The following DGKI variants were observed in gnomAD, a reference collection of about 807,000 sequenced individuals.
The protein encoded by DGKI is diacylglycerol kinase iota.
Under a neutral mutation model 147.5 loss-of-function variants are expected in DGKI, and 55 were observed. The observed-to-expected ratio is 0.37, with a 90% CI of 0.30 to 0.47. The LOEUF is 0.47. Ranked by LOEUF, DGKI falls within the 20% of genes least tolerant of loss-of-function variation. The pLI is 1.00. For synonymous variants in DGKI, 469 were observed against 477.1 expected, an observed-to-expected ratio of 0.98 and a Z score of 0.22; for missense variants, 1,007 against 1,323.8, an observed-to-expected ratio of 0.76 and a Z score of 3.71.
chr7:137,713,946 C>T (rs919585959), intron 1 of DGKI, among the ~76,000 whole-genome samples: 13 of 152,128 alleles, frequency 8.5e-5, no homozygotes, highest in African/African-American at 2.9e-4. Context: ...GGCCACTTGC[C>T]CAATTTTGAA....
chr7:137,607,818 C>T (rs1162188619), intron 10 of DGKI, among the ~76,000 whole-genome samples: 1 of 152,178 alleles, frequency 6.6e-6, no homozygotes, highest in Non-Finnish European at 1.5e-5. Flanking sequence ...GCCATCATTA[C>T]TCCATAAAGA....
chr7:137,693,993 CAT>C (rs1345029075), intron 1 of DGKI, among the ~76,000 whole-genome samples: 2 of 152,186 alleles, frequency 1.3e-5, no homozygotes, highest in African/African-American at 2.4e-5. Context: ...TTTAATGAAA[CAT>C]GTGGCATATA....
chr7:137,409,077 A>T (rs1048801945), intron 29 of DGKI, among the ~76,000 whole-genome samples: 1 of 152,162 alleles, frequency 6.6e-6, no homozygotes, highest in African/African-American at 2.4e-5. Context: ...TAATATATTA[A>T]ATAGTTTTAA....
At chr7:137,620,284 G>A (rs1820701622) in intron 7 of DGKI, among the ~76,000 whole-genome samples, 3 of 152,162 alleles carry the variant, frequency 2.0e-5, no homozygotes, top group Admixed American at 6.5e-5. Context: ...TTACTTAAAA[G>A]TTTTAGAGTC....
chr7:137,521,946 C>T lies in DGKI; in HGVS notation c.2168G>A (p.Arg723His), dbSNP rs1375671087. 9.3e-6 allele frequency: 15 copies of T among 1,611,214 alleles called. No individual in the cohort carries two copies. Among genetic ancestry groups the T allele is most frequent in the African/African-American group, 1.3e-5 (1 of 74,738 alleles). The change falls in exon 21 of 33, where the codon CGT becomes CAT. Residue 723 changes from arginine to histidine, a missense_variant. By Grantham distance (29) the Arg-to-His change is conservative (BLOSUM62 0). This residue lies in a region of DGKI where 385 missense variants were observed against 445.2 expected (regional missense o/e 0.86). Coordinates refer to ENST00000614521, the MANE Select transcript of DGKI (RefSeq NM_001321708.2). ...LLNDPQSVPD[R>H]LRIRVNKISL... The stretch of plus-strand genomic sequence containing the variant: ...GATTTTGTTCACCCGGATCCTCAGA[C>T]GATCTGGGACAGACTGGGGACTGCA...
At position 137,383,026 on chromosome 7, in the gene DGKI, C is replaced by T. The variant is rs933967398; in HGVS notation, c.*8194G>A. 6.6e-6 allele frequency: 1 copy of T among 151,950 alleles called. No homozygotes were observed. The highest frequency in any genetic ancestry group is 2.4e-5 in the African/African-American group (1 of 41,408). The allele number at this position is 151,950 out of a possible 1,614,324, so 9.4% of individuals were successfully genotyped here. A position where few individuals can be genotyped will look rare whatever the true frequency, so the allele number is the denominator to read the frequency against. On this transcript the variant is annotated 3_prime_UTR_variant, in exon 33 of 33. Coordinates refer to ENST00000614521, the MANE Select transcript of DGKI (RefSeq NM_001321708.2). Reference sequence around the variant, plus strand: ...AAAGTTATAGAAAGTGCCTCCATGCCTCTGTATTGGCAGAGGATATAGAAT... The same window carrying T: ...AAAGTTATAGAAAGTGCCTCCATGCTTCTGTATTGGCAGAGGATATAGAAT...
intron 32 of DGKI, among the ~76,000 whole-genome samples, chr7:137,392,667 T>C (rs1246525346): frequency 2.0e-5 from 3 of 152,240 alleles, no homozygotes; most frequent in African/African-American, 7.2e-5. Flanking sequence ...TTGAAGTTCC[T>C]TGAATAATTT....
intron 1 of DGKI, among the ~76,000 whole-genome samples, chr7:137,785,153 C>CA (rs1249281805): frequency 1.3e-5 from 2 of 150,374 alleles, no homozygotes; most frequent in African/African-American, 2.5e-5. Flanking sequence ...GAAACAACAA[C>CA]AAAAAAACAA....
chr7:137,822,419 AATT>A (rs1045453918), intron 1 of DGKI, among the ~76,000 whole-genome samples: 3 of 151,800 alleles, frequency 2.0e-5, no homozygotes, highest in African/African-American at 7.3e-5. Flanking sequence ...AAATAATAAT[AATT>A]ATTATTATTA....
intron 1 of DGKI, among the ~76,000 whole-genome samples, chr7:137,699,750 A>ACTCCCCATT (rs1349258473): frequency 6.6e-6 from 1 of 151,642 alleles, no homozygotes; most frequent in East Asian, 1.9e-4. Flanking sequence ...TTAGCATCCC[A>ACTCCCCATT]CTCCCCATTT....
chr7:137,624,035 C>A (rs150661211), intron 6 of DGKI, among the ~76,000 whole-genome samples: 1 of 151,916 alleles, frequency 6.6e-6, no homozygotes, highest in Admixed American at 6.6e-5. Flanking sequence ...AGAAGTCCAA[C>A]GGTGTAGTAG....
At chr7:137,627,985 T>C (rs1821001038) in intron 6 of DGKI, among the ~76,000 whole-genome samples, 1 of 152,230 alleles carries the variant, frequency 6.6e-6, no homozygotes, top group Non-Finnish European at 1.5e-5. Context: ...TAAAACTCTT[T>C]ATAACACTTT....
At chr7:137,636,119 A>T (rs1821304011) in intron 6 of DGKI, among the ~76,000 whole-genome samples, 1 of 152,248 alleles carries the variant, frequency 6.6e-6, no homozygotes, top group Admixed American at 6.5e-5. Flanking sequence ...TCTGGTAACC[A>T]GGAAATCCGC....
intron 21 of DGKI, among the ~76,000 whole-genome samples, chr7:137,498,136 TAA>T (rs1005905676): frequency 2.0e-5 from 3 of 151,650 alleles, no homozygotes; most frequent in African/African-American, 7.3e-5. Context: ...ATTCAGAGAA[TAA>T]AAGAGTACAA....
At position 137,846,404 on chromosome 7, in the gene DGKI, G is replaced by T; in HGVS notation, c.401+58C>A. 2 of 1,340,734 alleles carry T rather than the reference G, an allele frequency of 1.5e-6. No homozygotes were observed. Among genetic ancestry groups the T allele is most frequent in the Non-Finnish European group, 1.0e-6 (1 of 978,876 alleles). The allele number at this position is 1,340,734 out of a possible 1,614,324, so 83.1% of individuals were successfully genotyped here. A position where few individuals can be genotyped will look rare whatever the true frequency, so the allele number is the denominator to read the frequency against. On this transcript the variant is annotated intron_variant, in intron 1 of 32. Transcript: ENST00000614521. This position sits in a 1 kb window ranked among gnomAD's most constrained non-coding sequence, Gnocchi z 4.0. ...CCGCGGAAGCGCCCCTTGCTGGGTA[G>T]AAGAGTGGGTCTCCCGCCGCGGCGC... is the stretch of plus-strand genomic sequence containing the variant.
intron 21 of DGKI, among the ~76,000 whole-genome samples, chr7:137,508,045 G>C (rs1816428631): frequency 6.6e-6 from 1 of 152,100 alleles, no homozygotes; most frequent in Non-Finnish European, 1.5e-5. Context: ...ACAGAGTAGA[G>C]TAGGGTGAGG....
chr7:137,467,056 C>T, intron 24 of DGKI, 114 bp from the exon 25 acceptor site: 2 of 952,192 alleles, frequency 2.1e-6, no homozygotes, highest in South Asian at 1.4e-5. Context: ...TCATGCTAGT[C>T]TCCTGGCCAG....
Position 137,846,627 on chromosome 7 carries a change from C to T in DGKI, c.236G>A (p.Cys79Tyr). 1 of 1,071,026 alleles carries T rather than the reference C, an allele frequency of 9.3e-7. No individual in the cohort carries two copies. The highest frequency in any genetic ancestry group is 1.1e-6 in the Non-Finnish European group (1 of 890,294). The allele number at this position is 1,071,026 out of a possible 1,614,324, so 66.3% of individuals were successfully genotyped here. A position where few individuals can be genotyped will look rare whatever the true frequency, so the allele number is the denominator to read the frequency against. Residue 79 changes from cysteine to tyrosine, a missense_variant, in exon 1 of 33, where the codon TGC (cysteine) becomes TAC (tyrosine). By Grantham distance (194) the Cys-to-Tyr change is radical. This residue lies in a region of DGKI where 137 missense variants were observed against 114.4 expected (regional missense o/e 1.20). Coordinates refer to ENST00000614521, the MANE Select transcript of DGKI (RefSeq NM_001321708.2). This position sits in a 1 kb window ranked among gnomAD's most constrained non-coding sequence, Gnocchi z 4.0. ...SSSSGSGAGSCCLGAEGGADP... is the reference protein window; with the variant it reads ...SSSSGSGAGSYCLGAEGGADP... ...CGCGCCGCCCTCGGCGCCCAGGCAG[C>T]AGCTCCCGGCGCCGCTTCCGCTGCT...
intron 1 of DGKI, among the ~76,000 whole-genome samples, chr7:137,705,911 A>C (rs1794006903): frequency 6.6e-6 from 1 of 152,120 alleles, no homozygotes; most frequent in African/African-American, 2.4e-5. Flanking sequence ...GGAGGAAAAC[A>C]ATAAAACACT....
Sources: allele counts gnomAD v4.1 joint callset (sites outside exome capture counted in the v4.1 genomes callset), GRCh38; gene constraint gnomAD v4.1.1; regional missense constraint gnomAD v4.1.1; non-coding constraint Gnocchi (gnomAD v3.1); transcripts MANE v1.5; gene names NCBI Gene and HGNC (gene_info 2026-07-23, HGNC 2026-07-21).